The following ZFHX4 variants were observed in gnomAD, a reference collection of about 807,000 sequenced individuals.
The protein encoded by ZFHX4 is zinc finger homeobox protein 4.
ZFHX4 carries 56 observed loss-of-function variants against 267.6 expected under a neutral mutation model. That is an observed-to-expected ratio of 0.21 (90% confidence interval 0.17 to 0.26). The LOEUF (loss-of-function observed/expected upper bound fraction) is 0.26, where lower values mean the gene tolerates loss of function less well. Among genes scored for constraint, ZFHX4 ranks in the 10% least tolerant of loss-of-function variants. The pLI, the probability that ZFHX4 is intolerant of heterozygous loss-of-function variation, is 1.00. For missense variants in ZFHX4, 4,332 were observed against 4,420.0 expected (o/e 0.98, Z 0.56); for synonymous variants, 1,778 against 1,665.6 (o/e 1.07, Z -1.64).
chr8:76,855,316 G>A lies in ZFHX4; in HGVS notation c.8395G>A (p.Asp2799Asn), dbSNP rs1812684604. ...AEAGYDQNKT[D>N]FDETSSINTA... The stretch of plus-strand genomic sequence containing the variant: ...GGCTGGGTATGATCAAAATAAAACC[G>A]ATTTTGATGAGACTTCATCGATTAA... The change falls in exon 10 of 11, where the codon GAT (aspartate) becomes AAT (asparagine). Residue 2799 changes from aspartate (D) to asparagine (N), a missense_variant. By Grantham distance (23) the Asp-to-Asn change is conservative (BLOSUM62 1). Around this residue, in one of 7 missense-constraint regions of ZFHX4, gnomAD observed 1,648 missense variants for 1,625.0 expected, o/e 1.01. Coordinates refer to ENST00000651372, the MANE Select transcript of ZFHX4 (RefSeq NM_024721.5). 5 of 1,613,420 alleles carry A rather than the reference G, an allele frequency of 3.1e-6. No homozygotes were observed. Among genetic ancestry groups the A allele is most frequent in the Admixed American group, 1.7e-5 (1 of 59,968 alleles).
At chr8:76,753,684 G>C (rs547797949) in intron 3 of ZFHX4, among the ~76,000 whole-genome samples, 8 of 147,064 alleles carry the variant, frequency 5.4e-5, no homozygotes, top group Non-Finnish European at 7.4e-5. Context: ...ACCAAGGCTG[G>C]AGTGCAGTGG....
chr8:76,810,889 T>G (rs1811359916), intron 4 of ZFHX4, among the ~76,000 whole-genome samples: 1 of 152,164 alleles, frequency 6.6e-6, no homozygotes, highest in African/African-American at 2.4e-5. Context: ...TCTATAAAAA[T>G]GTTTCCTTCC....
At chr8:76,699,148 A>C (rs1192190538) in intron 1 of ZFHX4, among the ~76,000 whole-genome samples, 1 of 152,192 alleles carries the variant, frequency 6.6e-6, no homozygotes, top group Non-Finnish European at 1.5e-5. Flanking sequence ...AAGCTCACAA[A>C]CATTAACTAC....
At chr8:76,716,328 C>T (rs1409597396) in intron 3 of ZFHX4, among the ~76,000 whole-genome samples, 1 of 152,072 alleles carries the variant, frequency 6.6e-6, no homozygotes, top group Non-Finnish European at 1.5e-5. Context: ...TTTACAATGG[C>T]ATTACTTTTT....
At chr8:76,809,546 A>C (rs1811324786) in intron 4 of ZFHX4, among the ~76,000 whole-genome samples, 1 of 152,176 alleles carries the variant, frequency 6.6e-6, no homozygotes, top group African/African-American at 2.4e-5. Flanking sequence ...AAATATGAAT[A>C]TTTTATTCTT....
rs751858242 is a variant in ZFHX4, at chr8:76,708,136, GA to G, written c.3093+97del. 8.0e-5 allele frequency: 119 copies of G among 1,492,220 alleles called. No individual in the cohort carries two copies. The East Asian group carries it at 8.5e-4, about 11-fold the overall frequency. 92.4% of individuals were successfully genotyped at this position (1,492,220 alleles called of 1,614,324 possible). On this transcript the variant is annotated intron_variant, in intron 3 of 10. Coordinates refer to ENST00000651372, the MANE Select transcript of ZFHX4 (RefSeq NM_024721.5). ...TTGGAGCACAAGTCTCCAACTTAAG[GA>G]AAAAAAAAGAGAAAAAACATCAAAG...
In ZFHX4 at chr8:76,854,823, G is replaced by T. The variant is rs1046645568; in HGVS notation, c.7902G>T (p.Met2634Ile). The stretch of plus-strand genomic sequence containing the variant: ...TGGATTCCAATCCTACCAGAAAAAT[G>T]CTTGATCATATTGCCCGCGAAGTCG... ...YLLDSNPTRK[M>I]LDHIAREVGL... The change falls in exon 10 of 11, where the codon ATG becomes ATT. Residue 2634 changes from methionine (M) to isoleucine (I), a missense_variant. Transcript: ENST00000651372. 2 of 1,611,350 alleles carry T rather than the reference G, an allele frequency of 1.2e-6. No homozygotes were observed. Among genetic ancestry groups the T allele is most frequent in the South Asian group, 1.1e-5 (1 of 90,650 alleles).
intron 1 of ZFHX4, chr8:76,683,196 C>T (rs936663526): frequency 6.6e-6 from 1 of 152,348 alleles, no homozygotes; most frequent in Non-Finnish European, 1.5e-5. Context: ...GAGACACCCT[C>T]CTTGTAGGTA....
intron 4 of ZFHX4, among the ~76,000 whole-genome samples, chr8:76,810,390 G>A (rs943756522): frequency 2.0e-5 from 3 of 152,134 alleles, no homozygotes; most frequent in Non-Finnish European, 2.9e-5. Flanking sequence ...AGCTACAGCT[G>A]GTTACTTCAT....
chr8:76,738,145 G>A lies in ZFHX4; in HGVS notation c.3093+30097G>A, dbSNP rs142799495. 4.1e-4 allele frequency among the ~76,000 whole-genome samples: 62 copies of A among 152,210 alleles called. No individual in the cohort carries two copies. In the East Asian group the frequency reaches 0.011, roughly 26 times the overall value. On this transcript the variant is annotated intron_variant, in intron 3 of 10. Coordinates refer to ENST00000651372, the MANE Select transcript of ZFHX4 (RefSeq NM_024721.5). ...GTGGCACTTGAGGTTATTTTTAGTG[G>A]CACATGTATCCAAAATTTTGTTTTG... is the stretch of plus-strand genomic sequence containing the variant.
Position 76,855,418 on chromosome 8 carries a change from G to C in ZFHX4, c.8497G>C (p.Val2833Leu), listed in dbSNP as rs1466220995. 6.2e-7 allele frequency: 1 copy of C among 1,613,606 alleles called. No individual in the cohort carries two copies. The highest frequency in any genetic ancestry group is 1.7e-5 in the Admixed American group (1 of 59,988). ...AAGCACCACAGGAAGTTCCGGAGAT[G>C]TGAAACCGGCTTTGTCTCCCAAAGA... ...MESTTGSSGD[V>L]KPALSPKEPK... The change falls in exon 10 of 11, where the codon GTG (valine) becomes CTG (leucine). Residue 2833 changes from valine to leucine, a missense_variant. Val to Leu is a conservative substitution (Grantham distance 32). Coordinates refer to ENST00000651372, the MANE Select transcript of ZFHX4 (RefSeq NM_024721.5).
At chr8:76,693,435 G>A (rs1049605813) in intron 1 of ZFHX4, 5 of 152,102 alleles carry the variant, frequency 3.3e-5, no homozygotes, top group African/African-American at 4.8e-5. Flanking sequence ...TAACCAATAC[G>A]GAAACCAAAG....
chr8:76,716,578 T>G (rs1271602607), intron 3 of ZFHX4, among the ~76,000 whole-genome samples: 1 of 152,264 alleles, frequency 6.6e-6, no homozygotes, highest in African/African-American at 2.4e-5. Context: ...TTAAGAAGAC[T>G]TCTATATTTG....
intron 4 of ZFHX4, among the ~76,000 whole-genome samples, chr8:76,800,150 C>T (rs1028700075): frequency 5.9e-5 from 9 of 151,936 alleles, no homozygotes; most frequent in Admixed American, 3.9e-4. Flanking sequence ...GTGAAGGAGT[C>T]GCACAATTAG....
At chr8:76,842,880 C>A in intron 6 of ZFHX4, 109 bp downstream of exon 6, 1 of 719,076 alleles carries the variant, frequency 1.4e-6, no homozygotes, top group Non-Finnish European at 2.3e-6. Context: ...AGCTTTTATT[C>A]ATTTTAAACT....
chr8:76,704,589 G>A lies in ZFHX4; in HGVS notation c.501G>A (p.Leu167=). 3.7e-6 allele frequency: 6 copies of A among 1,613,922 alleles called. No individual in the cohort carries two copies. The highest frequency in any genetic ancestry group is 5.1e-6 in the Non-Finnish European group (6 of 1,179,884). ...AACTCTTTTCTACAGCGATGTTCCT[G>A]GACTCCCTGGCATCTGCTGGAGAGA... The part of the protein sequence containing the change: ...NSKLFSTAMF[L]DSLASAGEKS... Residue 167 remains leucine (L), a synonymous_variant, in exon 2 of 11, where the codon CTG becomes CTA. Coordinates refer to ENST00000651372, the MANE Select transcript of ZFHX4 (RefSeq NM_024721.5).
intron 4 of ZFHX4, among the ~76,000 whole-genome samples, chr8:76,803,122 A>G (rs1232664628): frequency 2.6e-5 from 4 of 152,140 alleles, no homozygotes; most frequent in African/African-American, 4.8e-5. Flanking sequence ...AGCAATATCC[A>G]TTTAACAGGA....
At chr8:76,750,838 A>G (rs1181188417) in intron 3 of ZFHX4, among the ~76,000 whole-genome samples, 1 of 152,164 alleles carries the variant, frequency 6.6e-6, no homozygotes, top group African/African-American at 2.4e-5. Flanking sequence ...ACTCATCTAA[A>G]CAATTCTAAA....
rs144149879 is a variant in ZFHX4 at position 76,752,487 on chromosome 8, C to CAA, written c.3094-25700_3094-25699dup. On this transcript the variant is annotated intron_variant, in intron 3 of 10. Transcript: ENST00000651372. ...TGAAACCCTGTCTCTACCAAAAATC[C>CAA]AAAAAAAAAAAAAAAAAAAAAAGAA... Among the ~76,000 whole-genome samples, 152 of 70,914 alleles carry CAA rather than the reference C, an allele frequency of 2.1e-3. 7 individuals are homozygous for CAA. The highest frequency in any genetic ancestry group is 3.2e-3 in the Admixed American group (17 of 5,364). The allele number at this position is 70,914 out of a possible 152,430, so 46.5% of individuals were successfully genotyped here. A position where few individuals can be genotyped will look rare whatever the true frequency, so the allele number is the denominator to read the frequency against.
Sources: allele counts gnomAD v4.1 joint callset (sites outside exome capture counted in the v4.1 genomes callset), GRCh38; gene constraint gnomAD v4.1.1; regional missense constraint gnomAD v4.1.1; transcripts MANE v1.5; gene names NCBI Gene and HGNC (gene_info 2026-07-23, HGNC 2026-07-21).